The following SIRPD variants were observed in gnomAD, a reference collection of about 807,000 sequenced individuals.
SIRPD encodes the protein signal regulatory protein delta.
Under a neutral mutation model 18.0 loss-of-function variants are expected in SIRPD, and 21 were observed. The ratio of observed to expected loss-of-function variants is 1.17; its 90% CI spans 0.83 to 1.68. The LOEUF is 1.68. SIRPD is among the 40% of genes most tolerant of loss of function. SIRPD has a pLI of 0.00. For synonymous variants in SIRPD, 106 were observed against 92.9 expected, an observed-to-expected ratio of 1.14 and a Z score of -0.81; for missense variants, 295 against 238.4, an observed-to-expected ratio of 1.24 and a Z score of -1.56.
chr20:1,539,643 A>G (rs1254119022), intron 2 of SIRPD, among the ~76,000 whole-genome samples: 1 of 152,200 alleles, frequency 6.6e-6, no homozygotes, highest in Non-Finnish European at 1.5e-5. Context: ...GGATCTAGTG[A>G]TTCACTTCTA....
At chr20:1,555,962 C>A (rs1394559910) in intron 1 of SIRPD, among the ~76,000 whole-genome samples, 2 of 152,154 alleles carry the variant, frequency 1.3e-5, no homozygotes, top group African/African-American at 4.8e-5. Context: ...AGGTTGTTGG[C>A]AGAATTCAGG....
chr20:1,543,661 A>G (rs2090981560), intron 2 of SIRPD, among the ~76,000 whole-genome samples: 1 of 151,908 alleles, frequency 6.6e-6, no homozygotes, highest in South Asian at 2.1e-4. Flanking sequence ...GTCTTCTGCT[A>G]TCTTTTGAAT....
chr20:1,547,637 T>C (rs1435503023), intron 2 of SIRPD, among the ~76,000 whole-genome samples: 2 of 152,330 alleles, frequency 1.3e-5, no homozygotes, highest in South Asian at 4.1e-4. Context: ...ATCCTTCATA[T>C]TTCCACATGA....
chr20:1,536,225 C>T (rs1440055144), intron 3 of SIRPD, among the ~76,000 whole-genome samples: 2 of 152,174 alleles, frequency 1.3e-5, no homozygotes, highest in South Asian at 2.1e-4. Flanking sequence ...CACATTACTC[C>T]AAAAACTTAA....
intron 3 of SIRPD, among the ~76,000 whole-genome samples, 158 bp downstream of exon 3, chr20:1,536,997 A>G (rs1291273808): frequency 6.6e-6 from 1 of 152,154 alleles, no homozygotes; most frequent in Non-Finnish European, 1.5e-5. Context: ...TATAAAACAA[A>G]CTATTTAGGG....
chr20:1,536,903 T>C (rs777457259), intron 3 of SIRPD, among the ~76,000 whole-genome samples: 6 of 152,034 alleles, frequency 3.9e-5, no homozygotes, highest in Non-Finnish European at 7.4e-5. Context: ...GGCACCCCTG[T>C]CATGGGGAAA....
chr20:1,534,344 C>T lies in SIRPD; in HGVS notation c.*81G>A. ...TCTCTTGAAGAAGGCAAATGAAACT[C>T]CTAAAAAGTAGCTGTCTCCAGGGAG... On this transcript the variant is annotated 3_prime_UTR_variant, in exon 4 of 4. Coordinates refer to ENST00000381623, the MANE Select transcript of SIRPD (RefSeq NM_178460.3). 2 of 1,585,858 alleles carry T rather than the reference C, an allele frequency of 1.3e-6. No homozygotes were observed. The highest frequency in any genetic ancestry group is 8.6e-7 in the Non-Finnish European group (1 of 1,166,908).
intron 2 of SIRPD, among the ~76,000 whole-genome samples, chr20:1,548,736 G>A (rs2091005412): frequency 7.2e-6 from 1 of 138,032 alleles, no homozygotes; most frequent in Admixed American, 7.2e-5. Context: ...TATAAACCTA[G>A]TTTATAGGCA....
chr20:1,542,241 A>G (rs2090975314), intron 2 of SIRPD, among the ~76,000 whole-genome samples: 1 of 152,082 alleles, frequency 6.6e-6, no homozygotes, highest in Admixed American at 6.5e-5. Context: ...CAGTGTGGCC[A>G]TTTTCACGAT....
chr20:1,549,617 T>G (rs3848785), intron 2 of SIRPD, among the ~76,000 whole-genome samples: 75,753 of 151,676 alleles, frequency 0.5, 21,004 homozygotes, highest in East Asian at 0.78. Flanking sequence ...AGGGAAAAGG[T>G]GGGTTTTGGT....
chr20:1,534,388 T>C lies in SIRPD; in HGVS notation c.*37A>G, dbSNP rs1431465083. The C allele has an allele frequency of 3.1e-6, 5 of 1,611,806 alleles. No individual in the cohort carries two copies. In the African/African-American group the frequency reaches 5.3e-5, roughly 17 times the overall value. ...CAGGGAGTCAGAAGAGTATGGGGGC[T>C]TTTGTTATTTACTTGTACGTTCCTT... is the stretch of plus-strand genomic sequence containing the variant. On this transcript the variant is annotated 3_prime_UTR_variant, in exon 4 of 4. Coordinates refer to ENST00000381623, the MANE Select transcript of SIRPD (RefSeq NM_178460.3).
At chr20:1,537,023 G>A in intron 3 of SIRPD, 132 bp downstream of exon 3, 1 of 971,968 alleles carries the variant, frequency 1.0e-6, no homozygotes, top group Non-Finnish European at 1.5e-6. Flanking sequence ...TCTTAAAGAG[G>A]AAGGGGTGGC....
Position 1,552,015 on chromosome 20 carries a change from G to C in SIRPD, c.97C>G (p.Gln33Glu). Residue 33 changes from glutamine to glutamate, a missense_variant, in exon 2 of 4, where the codon CAA becomes GAA. Coordinates refer to ENST00000381623, the MANE Select transcript of SIRPD (RefSeq NM_178460.3). ...ACAGTCTGTGACATCTCCGTTTGTTGCACATGGAACACATGTGTGACTCCT... is the reference window on the plus strand; with the variant it reads ...ACAGTCTGTGACATCTCCGTTTGTTCCACATGGAACACATGTGTGACTCCT... ...LAGVTHVFHV[Q>E]QTEMSQTVST... 6.2e-7 allele frequency: 1 copy of C among 1,613,622 alleles called. No individual in the cohort carries two copies. Among genetic ancestry groups the C allele is most frequent in the Non-Finnish European group, 8.5e-7 (1 of 1,179,702 alleles).
chr20:1,555,251 T>A (rs546986507), intron 1 of SIRPD, among the ~76,000 whole-genome samples: 1 of 152,284 alleles, frequency 6.6e-6, no homozygotes, highest in South Asian at 2.1e-4. Context: ...CTTGCTTATA[T>A]GTGGAATGTC....
chr20:1,540,317 C>T (rs1363094292), intron 2 of SIRPD: 2 of 456,042 alleles, frequency 4.4e-6, no homozygotes, highest in Admixed American at 4.7e-5. Context: ...AGACTTCTGG[C>T]TTCTAGAACT....
At chr20:1,537,355 G>C (rs541741742) in intron 2 of SIRPD, 45 bp from the exon 3 acceptor site, 1 of 1,584,530 alleles carries the variant, frequency 6.3e-7, no homozygotes, top group East Asian at 2.2e-5. Context: ...ATAAGAGGAA[G>C]TTACTATGAT....
intron 2 of SIRPD, among the ~76,000 whole-genome samples, chr20:1,538,711 T>G (rs2090958397): frequency 6.6e-6 from 1 of 152,154 alleles, no homozygotes; most frequent in Middle Eastern, 3.2e-3. Context: ...CAGGGACACA[T>G]GTAAGAGTTC....
chr20:1,536,060 T>C (rs572224144), intron 3 of SIRPD, among the ~76,000 whole-genome samples: 32 of 152,292 alleles, frequency 2.1e-4, no homozygotes, highest in African/African-American at 7.7e-4. Context: ...ATGACTTCTG[T>C]GAGTTCTAAG....
chr20:1,552,694 A>T (rs1312849073), intron 1 of SIRPD, among the ~76,000 whole-genome samples: 1 of 152,110 alleles, frequency 6.6e-6, no homozygotes, highest in Admixed American at 6.6e-5. Flanking sequence ...CTACACAGTC[A>T]TCATCACTAC....
Sources: gnomAD v4.1 joint callset for allele counts (sites outside exome capture counted in the v4.1 genomes callset) on GRCh38, gnomAD v4.1.1 for gene constraint, MANE v1.5 for transcripts, NCBI Gene and HGNC (gene_info 2026-07-23, HGNC 2026-07-21) for gene names.